NEDD9: variants seen among roughly 807,000 people sequenced by gnomAD.
The protein encoded by NEDD9 is enhancer of filamentation 1.
A neutral mutation model predicts 76.6 loss-of-function variants in NEDD9; 26 were observed. The ratio of observed to expected loss-of-function variants is 0.34; its 90% CI spans 0.25 to 0.47. NEDD9 has a LOEUF of 0.47. Among genes scored for constraint, NEDD9 ranks in the 20% least tolerant of loss-of-function variants. The pLI is 1.00. For missense variants in NEDD9, 937 were observed against 1,058.5 expected (o/e 0.89, Z 1.59); for synonymous variants, 392 against 414.2 (o/e 0.95, Z 0.65).
At chr6:11,315,503 G>A (rs554704910) in intron 2 of NEDD9, among the ~76,000 whole-genome samples, 1 of 152,286 alleles carries the variant, frequency 6.6e-6, no homozygotes, top group South Asian at 2.1e-4. Flanking sequence ...GATCTTGTCA[G>A]GCCATGCCAA....
At chr6:11,349,250 A>G (rs1482468431) in intron 1 of NEDD9, among the ~76,000 whole-genome samples, 1 of 152,206 alleles carries the variant, frequency 6.6e-6, no homozygotes, top group African/African-American at 2.4e-5. Flanking sequence ...AATGGCTATT[A>G]ACAAAAAATA....
chr6:11,316,390 T>C (rs1761562700), intron 2 of NEDD9, among the ~76,000 whole-genome samples: 1 of 152,164 alleles, frequency 6.6e-6, no homozygotes, highest in Non-Finnish European at 1.5e-5. Context: ...CCCTTTACTC[T>C]CACTCCCACG....
chr6:11,332,506 T>C (rs1227694223), intron 2 of NEDD9, among the ~76,000 whole-genome samples: 1 of 152,232 alleles, frequency 6.6e-6, no homozygotes, highest in African/African-American at 2.4e-5. Context: ...CAAGTTCTCT[T>C]GTAACACCAC....
At chr6:11,318,680 T>A (rs1761653518) in intron 2 of NEDD9, among the ~76,000 whole-genome samples, 1 of 150,162 alleles carries the variant, frequency 6.7e-6, no homozygotes, top group African/African-American at 2.5e-5. Context: ...CCATTTTGTC[T>A]TTAAGTTAAA....
intron 3 of NEDD9, among the ~76,000 whole-genome samples, chr6:11,274,680 T>C (rs1760382959): frequency 6.6e-6 from 1 of 152,200 alleles, no homozygotes; most frequent in African/African-American, 2.4e-5. Flanking sequence ...CTGTTAGAAT[T>C]GCTATTACCA....
intron 2 of NEDD9, among the ~76,000 whole-genome samples, chr6:11,329,611 A>G (rs1761992489): frequency 6.6e-6 from 1 of 152,210 alleles, no homozygotes; most frequent in Non-Finnish European, 1.5e-5. Context: ...TGCCCTGTGC[A>G]ATGTCCCTCC....
intron 3 of NEDD9, among the ~76,000 whole-genome samples, chr6:11,273,304 T>C (rs1760351033): frequency 6.6e-6 from 1 of 152,214 alleles, no homozygotes; most frequent in Non-Finnish European, 1.5e-5. Flanking sequence ...AAAATGTGTA[T>C]CCAAGTTGAG....
chr6:11,306,048 T>C, exon 3 of NEDD9: 1 of 1,613,314 alleles, frequency 6.2e-7, no homozygotes, highest in Non-Finnish European at 8.5e-7. Flanking sequence ...GAAAGGACAA[T>C]TCCGGCGTTT....
At chr6:11,232,335 G>A (rs1172418157) in intron 1 of NEDD9, among the ~76,000 whole-genome samples, 169 bp downstream of exon 1, 1 of 149,950 alleles carries the variant, frequency 6.7e-6, no homozygotes, top group East Asian at 2.0e-4. Flanking sequence ...CTCAAAGACC[G>A]GGTCTCTGCT....
chr6:11,303,499 A>G (rs963237129), intron 3 of NEDD9, among the ~76,000 whole-genome samples: 4 of 151,508 alleles, frequency 2.6e-5, no homozygotes, highest in African/African-American at 9.7e-5. Flanking sequence ...TTCTTTACGT[A>G]ATTGGAAAAA....
chr6:11,316,292 A>C (rs541805952), intron 2 of NEDD9, among the ~76,000 whole-genome samples: 3 of 152,346 alleles, frequency 2.0e-5, no homozygotes, highest in South Asian at 4.1e-4. Flanking sequence ...CTTTGAGGAA[A>C]GTCAGGATCT....
At chr6:11,332,405 C>T (rs534926455) in intron 2 of NEDD9, among the ~76,000 whole-genome samples, 97 of 152,318 alleles carry the variant, frequency 6.4e-4, no homozygotes, top group African/African-American at 2.2e-3. Flanking sequence ...AATGGTTCTC[C>T]ATTACCTCCA....
chr6:11,197,249 TTGC>T (rs1395873311), intron 2 of NEDD9, among the ~76,000 whole-genome samples: 22 of 140,858 alleles, frequency 1.6e-4, no homozygotes, highest in Admixed American at 1.5e-3. Context: ...CCCCCTCTGT[TTGC>T]TTTTTTTTTT....
At chr6:11,224,581 A>G (rs1759248869) in intron 1 of NEDD9, among the ~76,000 whole-genome samples, 1 of 152,078 alleles carries the variant, frequency 6.6e-6, no homozygotes, top group South Asian at 2.1e-4. Flanking sequence ...ACTCTCAGTC[A>G]TGCCACAGTG....
At chr6:11,314,223 C>G (rs566152013) in intron 2 of NEDD9, among the ~76,000 whole-genome samples, 1 of 152,110 alleles carries the variant, frequency 6.6e-6, no homozygotes, top group African/African-American at 2.4e-5. Context: ...TGAGGAGATC[C>G]TTGTGGATTA....
chr6:11,345,598 G>A (rs984295462), intron 1 of NEDD9, among the ~76,000 whole-genome samples: 1 of 152,196 alleles, frequency 6.6e-6, no homozygotes, highest in East Asian at 1.9e-4. Flanking sequence ...TCACTTCCAG[G>A]GGAACCTTAG....
intron 1 of NEDD9, among the ~76,000 whole-genome samples, chr6:11,219,482 C>A (rs1759077737): frequency 6.6e-6 from 1 of 152,252 alleles, no homozygotes; most frequent in Non-Finnish European, 1.5e-5. Context: ...TTCTCAATGA[C>A]ATGATTTTCC....
intron 2 of NEDD9, among the ~76,000 whole-genome samples, chr6:11,306,600 G>A (rs972529539): frequency 1.3e-5 from 2 of 152,080 alleles, no homozygotes; most frequent in African/African-American, 4.8e-5. Context: ...TCTTGTCATT[G>A]ATTTCATTGA....
intron 3 of NEDD9, among the ~76,000 whole-genome samples, chr6:11,274,785 G>A (rs1760384521): frequency 6.6e-6 from 1 of 152,200 alleles, no homozygotes; most frequent in African/African-American, 2.4e-5. Context: ...CACTAGTACA[G>A]TCCTTATGAA....
Sources: allele counts gnomAD v4.1 joint callset (sites outside exome capture counted in the v4.1 genomes callset), GRCh38; gene constraint gnomAD v4.1.1; transcripts MANE v1.5; gene names NCBI Gene and HGNC (gene_info 2026-07-23, HGNC 2026-07-21).